The following ADSS1 variants were observed in gnomAD, a reference collection of about 807,000 sequenced individuals.
ADSS1 encodes the protein adenylosuccinate synthetase isozyme 1.
Under a neutral mutation model 59.1 loss-of-function variants are expected in ADSS1, and 57 were observed. That is an observed-to-expected ratio of 0.97 (90% CI 0.78 to 1.20). ADSS1 has a LOEUF of 1.20. ADSS1 is among the 50% of genes most tolerant of loss of function. The probability of loss-of-function intolerance (pLI) is 0.00; values close to 1 mark genes in which losing one functional copy is unlikely to be tolerated. For synonymous variants in ADSS1, 247 were observed against 249.4 expected, an observed-to-expected ratio of 0.99 and a Z score of 0.09; for missense variants, 603 against 610.3, an observed-to-expected ratio of 0.99 and a Z score of 0.13.
At chr14:104,732,137 G>A (rs1199668688) in intron 1 of ADSS1, among the ~76,000 whole-genome samples, 1 of 152,190 alleles carries the variant, frequency 6.6e-6, no homozygotes, top group Non-Finnish European at 1.5e-5. Context: ...CCTCCTCATC[G>A]GCCAGCCTCA....
chr14:104,745,221 C>T (rs757168804), intron 11 of ADSS1: 2 of 324,938 alleles, frequency 6.2e-6, no homozygotes, highest in Non-Finnish European at 1.2e-5. Flanking sequence ...AAAGGCCCAC[C>T]TGCAGGGAGC....
Position 104,739,312 on chromosome 14 carries a change from T to G in ADSS1, c.359-16T>G, listed in dbSNP as rs762021708. 6.2e-7 allele frequency: 1 copy of G among 1,605,600 alleles called. No individual in the cohort carries two copies. Among genetic ancestry groups the G allele is most frequent in the South Asian group, 1.1e-5 (1 of 89,084 alleles). Reference sequence around the variant, plus strand: ...ACCTGTGAACACTGACCCACCTGTGTGCCGTGTCCCCGCAGGCCTGAAGGA... The same window carrying G: ...ACCTGTGAACACTGACCCACCTGTGGGCCGTGTCCCCGCAGGCCTGAAGGA... On this transcript the variant is annotated splice_polypyrimidine_tract_variant and intron_variant, in intron 3 of 12. Coordinates refer to ENST00000330877, the MANE Select transcript of ADSS1 (RefSeq NM_152328.5).
intron 1 of ADSS1, among the ~76,000 whole-genome samples, chr14:104,727,979 G>A (rs779477729): frequency 2.6e-5 from 4 of 152,166 alleles, no homozygotes; most frequent in South Asian, 2.1e-4. Context: ...CCAGCCTCCC[G>A]TGCCCTCCAG....
At position 104,741,096 on chromosome 14, in the gene ADSS1, C is replaced by A. The variant is rs981763438; in HGVS notation, c.667-21C>A. On this transcript the variant is annotated intron_variant, in intron 7 of 12. Coordinates refer to ENST00000330877, the MANE Select transcript of ADSS1 (RefSeq NM_152328.5). ...TGCCCCAGGCCACAGGCTCACTCTGCTGCTTGGCCCTTCCTTGCAGGGCTT... is the reference window on the plus strand; with the variant it reads ...TGCCCCAGGCCACAGGCTCACTCTGATGCTTGGCCCTTCCTTGCAGGGCTT... 3.8e-6 allele frequency: 6 copies of A among 1,589,656 alleles called. No individual in the cohort carries two copies. The Middle Eastern group carries it at 5.0e-4, about 133-fold the overall frequency.
rs745830815 is a variant in ADSS1 at position 104,724,282 on chromosome 14, C to G, written c.12C>G (p.Thr4=). The change falls in exon 1 of 13, where the codon ACC becomes ACG. Residue 4 remains threonine (T), a synonymous_variant. Coordinates refer to ENST00000330877, the MANE Select transcript of ADSS1 (RefSeq NM_152328.5). MSG[T]RASNDRPPGA... The stretch of plus-strand genomic sequence containing the variant: ...AGAGCCAAGCCAGCATGTCGGGGAC[C>G]CGAGCCTCCAACGACCGGCCCCCCG... The G allele has an allele frequency of 4.1e-6, 5 of 1,230,492 alleles. No individual in the cohort carries two copies. The highest frequency in any genetic ancestry group is 1.6e-5 in the African/African-American group (1 of 64,146). 76.2% of individuals were successfully genotyped at this position (1,230,492 alleles called of 1,614,324 possible).
rs144495290 is a variant in ADSS1, at chr14:104,729,943, G to T, written c.193-5077G>T. The T allele has an allele frequency of 1.9e-6, 3 of 1,571,652 alleles. No individual in the cohort carries two copies. The highest frequency in any genetic ancestry group is 2.6e-6 in the Non-Finnish European group (3 of 1,158,550). On this transcript the variant is annotated intron_variant, in intron 1 of 12. Transcript: ENST00000330877. ...CAACCCAGAGGCAAGGAGGTGGGCA[G>T]AGGCCCACGAACCTGGCCCTGACCC... is the stretch of plus-strand genomic sequence containing the variant.
rs544427565 is a variant in ADSS1, at chr14:104,726,912, C to G, written c.192+2450C>G. ...AAAGGGTCACCTGGGCCTGGGGCCACCCTGGGTTTTGGCTATGCTCCTTCC... is the reference window on the plus strand; with the variant it reads ...AAAGGGTCACCTGGGCCTGGGGCCAGCCTGGGTTTTGGCTATGCTCCTTCC... On this transcript the variant is annotated intron_variant, in intron 1 of 12. Transcript: ENST00000330877. Among the ~76,000 whole-genome samples, 3 of 152,330 alleles carry G rather than the reference C, an allele frequency of 2.0e-5. No homozygotes were observed. The East Asian group carries it at 5.8e-4, about 29-fold the overall frequency.
Position 104,740,459 on chromosome 14 carries a change from G to T in ADSS1, c.477-142G>T. ...CATGCTAGTGCGTACACCCACACACGCACACACTCACAGCTCAGCCAGACA... is the reference window on the plus strand; with the variant it reads ...CATGCTAGTGCGTACACCCACACACTCACACACTCACAGCTCAGCCAGACA... On this transcript the variant is annotated intron_variant, in intron 5 of 12. Transcript: ENST00000330877. The surrounding 1 kb of genome is among the most constrained non-coding windows in gnomAD (Gnocchi z 4.8). 1.4e-6 allele frequency: 1 copy of T among 722,176 alleles called. No individual in the cohort carries two copies. The highest frequency in any genetic ancestry group is 2.4e-6 in the Non-Finnish European group (1 of 422,032). The allele number at this position is 722,176 out of a possible 1,614,324, so 44.7% of individuals were successfully genotyped here.
At chr14:104,742,597 A>AG (rs1382675526) in intron 9 of ADSS1, among the ~76,000 whole-genome samples, 4 of 152,238 alleles carry the variant, frequency 2.6e-5, no homozygotes, top group African/African-American at 9.6e-5. Flanking sequence ...CCTGAGCAGG[A>AG]GGAAGGGCAG....
Position 104,738,376 on chromosome 14 carries a change from G to A in ADSS1, c.296G>A (p.Gly99Asp). ...IINTKAVSFI[G>D]NGVVIHLPGL... ...TCTCATGCCTCTGTCTCTCATGCAGGCAACGGGGTGGTCATCCACTTGCCA... is the reference window on the plus strand; with the variant it reads ...TCTCATGCCTCTGTCTCTCATGCAGACAACGGGGTGGTCATCCACTTGCCA... Residue 99 changes from glycine to aspartate, a missense_variant and splice_region_variant, in exon 3 of 13, where the codon GGC (glycine) becomes GAC (aspartate). By Grantham distance (94) the Gly-to-Asp change is moderately conservative (BLOSUM62 -1). Coordinates refer to ENST00000330877, the MANE Select transcript of ADSS1 (RefSeq NM_152328.5). The A allele has an allele frequency of 1.9e-6, 3 of 1,613,804 alleles. No homozygotes were observed. The highest frequency in any genetic ancestry group is 2.2e-5 in the East Asian group (1 of 44,866).
intron 9 of ADSS1, among the ~76,000 whole-genome samples, chr14:104,742,649 G>T (rs4983541): frequency 6.6e-6 from 1 of 152,176 alleles, no homozygotes; most frequent in Non-Finnish European, 1.5e-5. Context: ...ACGCCATCCA[G>T]AGAGGCTTGA....
chr14:104,735,786 T>C (rs1246378391), intron 2 of ADSS1, among the ~76,000 whole-genome samples: 1 of 152,140 alleles, frequency 6.6e-6, no homozygotes, highest in African/African-American at 2.4e-5. Flanking sequence ...CGTGGCTCTT[T>C]CCCTCCTTCT....
rs563030415 is a variant in ADSS1 at position 104,740,268 on chromosome 14, C to A, written c.477-333C>A. ...TCTCACACAGGCACACACTCATGCT[C>A]TTACATACACACCACACGCCCACGC... is the stretch of plus-strand genomic sequence containing the variant. On this transcript the variant is annotated intron_variant, in intron 5 of 12. Coordinates refer to ENST00000330877, the MANE Select transcript of ADSS1 (RefSeq NM_152328.5). The surrounding 1 kb of genome is among the most constrained non-coding windows in gnomAD (Gnocchi z 4.8). Among the ~76,000 whole-genome samples the A allele has an allele frequency of 2.6e-5, 4 of 152,104 alleles. No individual in the cohort carries two copies. The highest frequency in any genetic ancestry group is 7.2e-5 in the African/African-American group (3 of 41,470).
At chr14:104,742,159 G>A (rs1391569148) in intron 9 of ADSS1, among the ~76,000 whole-genome samples, 157 bp downstream of exon 9, 1 of 152,262 alleles carries the variant, frequency 6.6e-6, no homozygotes, top group Admixed American at 6.5e-5. Flanking sequence ...GCAGGCCAGG[G>A]GAGAGCTTAG....
At chr14:104,738,797 C>T (rs1891221248) in intron 3 of ADSS1, among the ~76,000 whole-genome samples, 1 of 152,224 alleles carries the variant, frequency 6.6e-6, no homozygotes, top group Non-Finnish European at 1.5e-5. Context: ...TCTGGCCAGG[C>T]ACGCAGAGGC....
At chr14:104,724,623 C>A (rs1890667973) in intron 1 of ADSS1, among the ~76,000 whole-genome samples, 161 bp downstream of exon 1, 1 of 151,974 alleles carries the variant, frequency 6.6e-6, no homozygotes, top group Non-Finnish European at 1.5e-5. Context: ...CACGCACGCA[C>A]ACGCACCACT....
At chr14:104,730,098 G>T (rs749379787) in intron 1 of ADSS1, 5 of 1,551,348 alleles carry the variant, frequency 3.2e-6, no homozygotes, top group Non-Finnish European at 3.5e-6. Flanking sequence ...GGCCCAACTA[G>T]GGTGACGCTG....
At chr14:104,729,500 G>A (rs1890823374) in intron 1 of ADSS1, among the ~76,000 whole-genome samples, 1 of 148,990 alleles carries the variant, frequency 6.7e-6, no homozygotes, top group Non-Finnish European at 1.5e-5. Flanking sequence ...GGAGGAGGTA[G>A]CGTCGGCGTG....
chr14:104,737,994 G>T, intron 2 of ADSS1: 1 of 245,558 alleles, frequency 4.1e-6, no homozygotes. Flanking sequence ...GTTTTTTGTT[G>T]TTGTTTGTTT....
Sources: gnomAD v4.1 joint callset for allele counts (sites outside exome capture counted in the v4.1 genomes callset) on GRCh38, gnomAD v4.1.1 for gene constraint, Gnocchi (gnomAD v3.1) non-coding constraint, MANE v1.5 for transcripts, NCBI Gene and HGNC (gene_info 2026-07-23, HGNC 2026-07-21) for gene names.